The following GCLC variants were observed in gnomAD, a reference collection of about 807,000 sequenced individuals.
The protein encoded by GCLC is glutamate-cysteine ligase catalytic subunit.
In GCLC, 30 loss-of-function variants were observed where a neutral mutation model predicts 81.5. That is an observed-to-expected ratio of 0.37 (90% CI 0.28 to 0.50). GCLC has a LOEUF of 0.50. Ranked by LOEUF, GCLC falls within the 20% of genes least tolerant of loss-of-function variation. The pLI is 0.96. For missense variants in GCLC, 556 were observed against 777.4 expected (o/e 0.72, Z 3.39); for synonymous variants, 262 against 273.3 (o/e 0.96, Z 0.41).
intron 6 of GCLC, among the ~76,000 whole-genome samples, chr6:53,511,328 CAT>C (rs761117708): frequency 3.3e-4 from 50 of 151,982 alleles, no homozygotes; most frequent in Non-Finnish European, 6.2e-4. Flanking sequence ...CAAAAAACTA[CAT>C]GTTTCCCAAG....
Position 53,500,247 on chromosome 6 carries a change from C to T in GCLC, c.1581G>A (p.Lys527=). The change falls in exon 14 of 16, where the codon AAG becomes AAA. Residue 527 remains lysine (K), a splice_region_variant and synonymous_variant. Coordinates refer to ENST00000650454, the MANE Select transcript of GCLC (RefSeq NM_001498.4). ...LMSIDTIING[K]EGVFPGLIPI... ...GTACTGTACAGGGCCACCCTCCTAC[C>T]TTCCCATTGATGATGGTGTCTATGC... The T allele has an allele frequency of 6.2e-7, 1 of 1,613,550 alleles. No homozygotes were observed. The highest frequency in any genetic ancestry group is 8.5e-7 in the Non-Finnish European group (1 of 1,179,462).
intron 1 of GCLC, among the ~76,000 whole-genome samples, chr6:53,537,281 G>A (rs1287508587): frequency 2.0e-5 from 3 of 152,242 alleles, no homozygotes; most frequent in African/African-American, 7.2e-5. Context: ...CTGGGGGTGG[G>A]TAGGGGTTAA....
chr6:53,513,509 GAAGTA>G (rs1375372891), intron 6 of GCLC: 1 of 152,246 alleles, frequency 6.6e-6, no homozygotes, highest in Non-Finnish European at 1.5e-5. Flanking sequence ...TGAGCCAAAA[GAAGTA>G]AAGGGAGTTG....
chr6:53,538,475 C>T (rs551196367), intron 1 of GCLC, among the ~76,000 whole-genome samples: 23 of 152,000 alleles, frequency 1.5e-4, no homozygotes, highest in African/African-American at 2.4e-4. Flanking sequence ...TACAGGTGCT[C>T]GCCACCACAC....
In GCLC at chr6:53,508,648, C is replaced by T. The variant is rs1294926836; in HGVS notation, c.892G>A (p.Gly298Arg). ...TCATCTACAGATGCAGAAATCACTCCCCAGCGACAATCAATGTCTGACACA... is the reference window on the plus strand; with the variant it reads ...TCATCTACAGATGCAGAAATCACTCTCCAGCGACAATCAATGTCTGACACA... ...GYVSDIDCRW[G>R]VISASVDDRT... is the part of the protein sequence containing the mutation. The change falls in exon 8 of 16, where the codon GGA (glycine) becomes AGA (arginine). Residue 298 changes from glycine to arginine, a missense_variant. Transcript: ENST00000650454. 1.2e-6 allele frequency: 2 copies of T among 1,613,860 alleles called. No homozygotes were observed. The highest frequency in any genetic ancestry group is 3.3e-5 in the Admixed American group (2 of 60,010).
rs958663426 is a variant in GCLC at position 53,508,837 on chromosome 6, T to G, written c.829-126A>C. 1.9e-5 allele frequency: 14 copies of G among 729,014 alleles called. No individual in the cohort carries two copies. In the African/African-American group the frequency reaches 2.3e-4, roughly 12 times the overall value. The allele number at this position is 729,014 out of a possible 1,614,324, so 45.2% of individuals were successfully genotyped here. ...GCAACCCATACAGAGCACATGTACC[T>G]GTGCCTATCTTACAGTGAAATATAC... On this transcript the variant is annotated intron_variant, in intron 7 of 15. Transcript: ENST00000650454.
At chr6:53,534,904 A>G (rs1220215379) in intron 1 of GCLC, among the ~76,000 whole-genome samples, 1 of 147,886 alleles carries the variant, frequency 6.8e-6, no homozygotes, top group Non-Finnish European at 1.5e-5. Flanking sequence ...CTACAGATTC[A>G]ATGCAATCCC....
chr6:53,534,519 G>C (rs1467550053), intron 1 of GCLC, among the ~76,000 whole-genome samples: 2 of 151,108 alleles, frequency 1.3e-5, no homozygotes, highest in Non-Finnish European at 2.9e-5. Context: ...GAAAATATAT[G>C]AAAGAATAAT....
chr6:53,517,079 ATTTT>A (rs71546114), intron 3 of GCLC, among the ~76,000 whole-genome samples: 21,222 of 104,038 alleles, frequency 0.2, 1,833 homozygotes, highest in Non-Finnish European at 0.23. Flanking sequence ...TTAAAAAAAA[ATTTT>A]TTTTTTTTTT....
chr6:53,524,781 T>G (rs1465344802), intron 1 of GCLC, among the ~76,000 whole-genome samples: 7 of 152,252 alleles, frequency 4.6e-5, no homozygotes, highest in Non-Finnish European at 8.8e-5. Flanking sequence ...CAAGAACTTG[T>G]AGCAATTATA....
chr6:53,519,680 G>A (rs980848974), intron 3 of GCLC, among the ~76,000 whole-genome samples: 2 of 152,074 alleles, frequency 1.3e-5, no homozygotes, highest in Non-Finnish European at 2.9e-5. Context: ...ACATTAGGTC[G>A]AAGAAATGTG....
At position 53,506,317 on chromosome 6, in the gene GCLC, G is replaced by A. The variant is rs1053985773; in HGVS notation, c.1198-422C>T. The A allele has an allele frequency of 1.4e-5, 4 of 279,898 alleles. No individual in the cohort carries two copies. Among genetic ancestry groups the A allele is most frequent in the South Asian group, 7.8e-5 (2 of 25,754 alleles). The allele number at this position is 279,898 out of a possible 1,614,324, so 17.3% of individuals were successfully genotyped here. ...CCTCTCCTGGGAATGCTGCTGCTTC[G>A]ATGACCCAAGAGCCTAAGAAGGGTA... On this transcript the variant is annotated intron_variant, in intron 10 of 15. Transcript: ENST00000650454. This position sits in a 1 kb window ranked among gnomAD's most constrained non-coding sequence, Gnocchi z 4.0.
chr6:53,537,614 AAAAT>A (rs200187470), intron 1 of GCLC, among the ~76,000 whole-genome samples: 7 of 149,146 alleles, frequency 4.7e-5, no homozygotes, highest in Non-Finnish European at 7.4e-5. Context: ...ACCCTGTCTC[AAAAT>A]AAATAAATAA....
chr6:53,539,290 G>A (rs769312843), intron 1 of GCLC, among the ~76,000 whole-genome samples: 1 of 152,096 alleles, frequency 6.6e-6, no homozygotes, highest in Non-Finnish European at 1.5e-5. Flanking sequence ...CCTAAGAGTT[G>A]GAACTTCTGT....
chr6:53,526,180 G>A (rs1176195788), intron 1 of GCLC, among the ~76,000 whole-genome samples: 1 of 152,168 alleles, frequency 6.6e-6, no homozygotes, highest in African/African-American at 2.4e-5. Flanking sequence ...GTGAAATAGT[G>A]TTGCTAGGAA....
chr6:53,499,761 G>T (rs1268249221), intron 15 of GCLC, among the ~76,000 whole-genome samples: 1 of 152,134 alleles, frequency 6.6e-6, no homozygotes, highest in Non-Finnish European at 1.5e-5. Flanking sequence ...GATCAACACA[G>T]TTGGACGTAA....
At chr6:53,500,194 C>T (rs1382308161) in intron 14 of GCLC, 29 bp from the exon 15 acceptor site, 4 of 1,613,824 alleles carry the variant, frequency 2.5e-6, no homozygotes, top group African/African-American at 1.3e-5. Flanking sequence ...TTTATGAACT[C>T]CCTGCCGGGG....
chr6:53,519,189 G>T (rs1266648113), intron 3 of GCLC, among the ~76,000 whole-genome samples: 3 of 152,310 alleles, frequency 2.0e-5, no homozygotes, highest in African/African-American at 7.2e-5. Context: ...AAAATTTATG[G>T]TTAACCTGAC....
intron 1 of GCLC, among the ~76,000 whole-genome samples, chr6:53,536,689 G>A (rs1390290019): frequency 6.6e-6 from 1 of 152,162 alleles, no homozygotes; most frequent in African/African-American, 2.4e-5. Flanking sequence ...TTAATATTGT[G>A]ACATCTTTTC....
Sources: allele counts gnomAD v4.1 joint callset (sites outside exome capture counted in the v4.1 genomes callset), GRCh38; gene constraint gnomAD v4.1.1; non-coding constraint Gnocchi (gnomAD v3.1); transcripts MANE v1.5; gene names NCBI Gene and HGNC (gene_info 2026-07-23, HGNC 2026-07-21).